FZR1: variants seen among roughly 807,000 people sequenced by gnomAD.
FZR1 encodes the protein fizzy and cell division cycle 20 related 1.
A neutral mutation model predicts 63.6 loss-of-function variants in FZR1; 11 were observed. The ratio of observed to expected loss-of-function variants is 0.17; its 90% CI spans 0.11 to 0.29. The LOEUF is 0.29. Ranked by LOEUF, FZR1 falls within the 10% of genes least tolerant of loss-of-function variation. The pLI, the probability that FZR1 is intolerant of heterozygous loss-of-function variation, is 1.00. For synonymous variants in FZR1, 328 were observed against 297.9 expected (o/e 1.10, Z -1.04); for missense variants, 440 against 687.5 (o/e 0.64, Z 4.03).
At chr19:3,529,614 T>TTGAGCAGATGGGAGAGCGGATGGG (rs1448734928) in intron 7 of FZR1, among the ~76,000 whole-genome samples, 1 of 49,066 alleles carries the variant, frequency 2.0e-5, no homozygotes, top group Non-Finnish European at 4.2e-5. Context: ...GAGTGGATGG[T>TTGAGCAGATGGGAGAGCGGATGGG]TGAGCAGATG....
rs904606291 is a variant in FZR1 at position 3,522,947 on chromosome 19, C to T, written c.-34-9C>T. ...GCCCCACTCACCTCTCCTGCCCTTC[C>T]CGCTGCAGGCTAACCTTGCCGCGGG... On this transcript the variant is annotated splice_polypyrimidine_tract_variant and intron_variant, in intron 1 of 13. Transcript: ENST00000441788. The T allele has an allele frequency of 3.4e-6, 5 of 1,457,054 alleles. No homozygotes were observed. The highest frequency in any genetic ancestry group is 1.7e-5 in the Admixed American group (1 of 59,812). The allele number at this position is 1,457,054 out of a possible 1,614,324, so 90.3% of individuals were successfully genotyped here.
intron 1 of FZR1, among the ~76,000 whole-genome samples, chr19:3,508,807 A>G (rs556940325): frequency 1.3e-5 from 2 of 152,326 alleles, no homozygotes; most frequent in East Asian, 1.9e-4. Flanking sequence ...TGAGCCAGGC[A>G]TGCTGCTCAG....
At chr19:3,529,063 T>TGAGCGGATGGGA (rs140416774) in intron 7 of FZR1, among the ~76,000 whole-genome samples, 3 of 124,344 alleles carry the variant, frequency 2.4e-5, no homozygotes, top group Non-Finnish European at 5.0e-5. Flanking sequence ...TGCGGATGCT[T>TGAGCGGATGGGA]GAGCGGATGG....
In FZR1 at chr19:3,527,802, C is replaced by A; in HGVS notation, c.642C>A (p.Ala214=). 6.2e-7 allele frequency: 1 copy of A among 1,610,358 alleles called. No homozygotes were observed. The change falls in exon 7 of 14, where the codon GCC becomes GCA. Residue 214 remains alanine (A), a synonymous_variant. Coordinates refer to ENST00000441788, the MANE Select transcript of FZR1 (RefSeq NM_016263.4). ...GCACCTGCGTGTACCTGTGGAGTGC[C>A]TGTACCAGCCAGGTGGGTGCTGCGT... is the stretch of plus-strand genomic sequence containing the variant. The part of the protein sequence containing the change: ...GLGTCVYLWS[A]CTSQVTRLCD...
intron 1 of FZR1, among the ~76,000 whole-genome samples, chr19:3,509,215 C>T (rs1331692726): frequency 1.3e-5 from 2 of 152,234 alleles, no homozygotes; most frequent in Non-Finnish European, 2.9e-5. Flanking sequence ...CCCCAGTGGC[C>T]CCAGGTCCCT....
intron 2 of FZR1, among the ~76,000 whole-genome samples, chr19:3,524,895 TGA>T (rs1184118806): frequency 6.6e-6 from 1 of 152,162 alleles, no homozygotes; most frequent in Non-Finnish European, 1.5e-5. Flanking sequence ...GGCTTCCTCT[TGA>T]GTATAATCAC....
intron 1 of FZR1, among the ~76,000 whole-genome samples, chr19:3,509,025 G>C (rs1352621714): frequency 1.3e-5 from 2 of 152,232 alleles, no homozygotes; most frequent in Non-Finnish European, 2.9e-5. Context: ...AGGAAAGGGA[G>C]TGTTTGACCT....
Position 3,514,085 on chromosome 19 carries a change from C to T in FZR1, c.-35+7611C>T, listed in dbSNP as rs1194710935. 6.6e-6 allele frequency among the ~76,000 whole-genome samples: 1 copy of T among 152,140 alleles called. No individual in the cohort carries two copies. Among genetic ancestry groups the T allele is most frequent in the Non-Finnish European group, 1.5e-5 (1 of 68,008 alleles). On this transcript the variant is annotated intron_variant, in intron 1 of 13. Coordinates refer to ENST00000441788, the MANE Select transcript of FZR1 (RefSeq NM_016263.4). The surrounding 1 kb of genome is among the most constrained non-coding windows in gnomAD (Gnocchi z 4.2). ...GAGGAAGATCCCGCACCAGGGGAGA[C>T]CTTGGGGGCTTTGCATTGGTGCTGT...
chr19:3,522,369 C>A (rs554551965), intron 1 of FZR1, among the ~76,000 whole-genome samples: 1 of 152,336 alleles, frequency 6.6e-6, no homozygotes, highest in Non-Finnish European at 1.5e-5. Flanking sequence ...TTGGCTGAGC[C>A]TGGTCCCATG....
At chr19:3,527,551 G>A in intron 6 of FZR1, 80 bp from the exon 7 acceptor site, 1 of 1,156,414 alleles carries the variant, frequency 8.6e-7, no homozygotes, top group Non-Finnish European at 1.2e-6. Flanking sequence ...GGGCTGGCAG[G>A]GAAGGAGACA....
chr19:3,525,923 G>C lies in FZR1; in HGVS notation c.125G>C (p.Ser42Thr). The C allele has an allele frequency of 6.2e-7, 1 of 1,612,490 alleles. No homozygotes were observed. Among genetic ancestry groups the C allele is most frequent in the Non-Finnish European group, 8.5e-7 (1 of 1,179,926 alleles). ...GCCAGCTCCCCAGTGTCCTCGCCCA[G>C]CAAGCACGGAGACCGCTTCATCCCC... ...TPASSPVSSP[S>T]KHGDRFIPSR... Residue 42 changes from serine (S) to threonine (T), a missense_variant, in exon 3 of 14, where the codon AGC becomes ACC. By Grantham distance (58) the Ser-to-Thr change is moderately conservative (BLOSUM62 1). Around this residue, in one of 5 missense-constraint regions of FZR1, gnomAD observed 200 missense variants for 245.1 expected, o/e 0.82. Coordinates refer to ENST00000441788, the MANE Select transcript of FZR1 (RefSeq NM_016263.4). This position sits in a 1 kb window ranked among gnomAD's most constrained non-coding sequence, Gnocchi z 4.2.
At chr19:3,517,687 T>G (rs1014797891) in intron 1 of FZR1, among the ~76,000 whole-genome samples, 18 of 151,580 alleles carry the variant, frequency 1.2e-4, no homozygotes, top group Non-Finnish European at 1.2e-4. Context: ...AGACTCTATC[T>G]CAGAAAAATA....
Position 3,532,107 on chromosome 19 carries a change from C to T in FZR1, c.1008+12C>T. 6.7e-7 allele frequency: 1 copy of T among 1,494,744 alleles called. No individual in the cohort carries two copies. The highest frequency in any genetic ancestry group is 8.9e-7 in the Non-Finnish European group (1 of 1,122,454). 92.6% of individuals were successfully genotyped at this position (1,494,744 alleles called of 1,614,324 possible). On this transcript the variant is annotated intron_variant, in intron 10 of 13. Transcript: ENST00000441788. ...GCAACGACAACAAGGTACCCCCGCC[C>T]AGAGCCTGGGCTTCCCCTTCACCAG...
chr19:3,529,143 TGGGAGAGCGGATGGGAGAGCGGTTGGGA>T (rs1568237479), intron 7 of FZR1, among the ~76,000 whole-genome samples: 201 of 122,172 alleles, frequency 1.6e-3, no homozygotes, highest in Non-Finnish European at 2.3e-3. Flanking sequence ...GGAGAGCGGA[TGGGAGAGCGGATGGGAGAGCGGTTGGGA>T]GAGCGGTTGG....
Position 3,515,766 on chromosome 19 carries a change from TAAAAA to T in FZR1, c.-34-7178_-34-7174del, listed in dbSNP as rs11357702. ...GGGTGACAGAGCCAGACTCCGTCTC[TAAAAA>T]AAAAAAAAAAAGGAATTCAAGAAGT... On this transcript the variant is annotated intron_variant, in intron 1 of 13. Transcript: ENST00000441788. The surrounding 1 kb of genome is among the most constrained non-coding windows in gnomAD (Gnocchi z 4.6). 1.5e-5 allele frequency among the ~76,000 whole-genome samples: 2 copies of T among 134,412 alleles called. No individual in the cohort carries two copies. Among genetic ancestry groups the T allele is most frequent in the African/African-American group, 5.4e-5 (2 of 36,716 alleles). 88.2% of individuals were successfully genotyped at this position (134,412 alleles called of 152,430 possible). A position where few individuals can be genotyped will look rare whatever the true frequency, so the allele number is the denominator to read the frequency against.
intron 1 of FZR1, among the ~76,000 whole-genome samples, chr19:3,513,685 C>T (rs559758297): frequency 6.6e-5 from 10 of 152,294 alleles, no homozygotes; most frequent in South Asian, 2.1e-4. Context: ...GGAGCCCGCA[C>T]GGGATGTGGC....
intron 7 of FZR1, among the ~76,000 whole-genome samples, chr19:3,530,477 A>AG (rs964700849): frequency 4.8e-5 from 5 of 104,860 alleles, no homozygotes; most frequent in Non-Finnish European, 1.1e-4. Context: ...AGCGCATGGG[A>AG]GAGCGCATGG....
chr19:3,527,645 G>A lies in FZR1; in HGVS notation c.485G>A (p.Arg162Gln), dbSNP rs770525245. 1.7e-5 allele frequency: 28 copies of A among 1,608,474 alleles called. No homozygotes were observed. In the South Asian group the frequency reaches 2.4e-4, roughly 14 times the overall value. The change falls in exon 7 of 14, where the codon CGG becomes CAG. Residue 162 changes from arginine (R) to glutamine (Q), a missense_variant. Transcript: ENST00000441788. ...CGCCTCTGCAGCCAGAAGCTGCTCC[G>A]GTCCCCCCGGAAACCCACCCGCAAG... ...PVSNKSQKLL[R>Q]SPRKPTRKIS...
At position 3,515,564 on chromosome 19, in the gene FZR1, C is replaced by A. The variant is rs541623616; in HGVS notation, c.-34-7392C>A. Among the ~76,000 whole-genome samples the A allele has an allele frequency of 2.0e-5, 3 of 151,996 alleles. No homozygotes were observed. The highest frequency in any genetic ancestry group is 4.4e-5 in the Non-Finnish European group (3 of 68,016). On this transcript the variant is annotated intron_variant, in intron 1 of 13. Transcript: ENST00000441788. The surrounding 1 kb of genome is among the most constrained non-coding windows in gnomAD (Gnocchi z 4.6). ...CGGGCGGATCACAAGGTCAGGAGAT[C>A]GAAACCATCCTGGCTAATACTGTGA...
Sources: allele counts gnomAD v4.1 joint callset (sites outside exome capture counted in the v4.1 genomes callset), GRCh38; gene constraint gnomAD v4.1.1; regional missense constraint gnomAD v4.1.1; non-coding constraint Gnocchi (gnomAD v3.1); transcripts MANE v1.5; gene names NCBI Gene and HGNC (gene_info 2026-07-23, HGNC 2026-07-21).